OCA2: variants seen among roughly 807,000 people sequenced by gnomAD.
The protein encoded by OCA2 is P protein.
In OCA2, 77 loss-of-function variants were observed where a neutral mutation model predicts 100.2. The ratio of observed to expected loss-of-function variants is 0.77; its 90% CI spans 0.64 to 0.93. The LOEUF (loss-of-function observed/expected upper bound fraction) is 0.93, where lower values mean the gene tolerates loss of function less well. Ranked by LOEUF, OCA2 falls within the 40% of genes least tolerant of loss-of-function variation. OCA2 has a pLI of 0.00. For synonymous variants in OCA2, 432 were observed against 439.2 expected, an observed-to-expected ratio of 0.98 and a Z score of 0.21; for missense variants, 1,062 against 1,089.1, an observed-to-expected ratio of 0.98 and a Z score of 0.35.
chr15:27,945,280 A>G (rs2039792587), intron 18 of OCA2, among the ~76,000 whole-genome samples: 1 of 152,120 alleles, frequency 6.6e-6, no homozygotes, highest in African/African-American at 2.4e-5. Flanking sequence ...GTGCTAGGAG[A>G]TGAAAGAAAC....
At chr15:27,829,674 G>A (rs16950440) in intron 23 of OCA2, among the ~76,000 whole-genome samples, 3,159 of 152,272 alleles carry the variant, frequency 0.021, 113 homozygotes, top group African/African-American at 0.073. Flanking sequence ...CCTAGCATCC[G>A]TACTGAAATT....
At chr15:27,819,034 T>G (rs2034409558) in intron 23 of OCA2, among the ~76,000 whole-genome samples, 1 of 152,218 alleles carries the variant, frequency 6.6e-6, no homozygotes, top group African/African-American at 2.4e-5. Flanking sequence ...ACTTTGCCAC[T>G]TACTAGCTTA....
chr15:27,752,076 GC>G (rs1375871274), downstream of OCA2, among the ~76,000 whole-genome samples: 1 of 152,226 alleles, frequency 6.6e-6, no homozygotes, highest in Non-Finnish European at 1.5e-5. Context: ...GGACTCTGCT[GC>G]TGCCACGTTG....
At chr15:27,868,440 A>G (rs966619552) in intron 21 of OCA2, among the ~76,000 whole-genome samples, 13 of 152,238 alleles carry the variant, frequency 8.5e-5, no homozygotes, top group Non-Finnish European at 1.2e-4. Flanking sequence ...CGCAGACGGC[A>G]TTATGCTATG....
At chr15:28,085,175 C>T (rs1450952621) in intron 1 of OCA2, among the ~76,000 whole-genome samples, 2 of 152,116 alleles carry the variant, frequency 1.3e-5, no homozygotes, top group African/African-American at 2.4e-5. Context: ...CAGGTGGGCC[C>T]CAGTACTGCC....
In OCA2 at chr15:27,839,310, GA is replaced by G. The variant is rs376493189; in HGVS notation, c.2432+5648del. 7.2e-5 allele frequency among the ~76,000 whole-genome samples: 11 copies of G among 152,094 alleles called. 1 individual carries two copies. Among genetic ancestry groups the G allele is most frequent in the Admixed American group, 3.9e-4 (6 of 15,276 alleles). On this transcript the variant is annotated intron_variant, in intron 23 of 23. Transcript: ENST00000354638. ...AGAGCAAAAAAGATATACACATAGA[GA>G]AACACAGCAACTAAAATATACATAA... is the stretch of plus-strand genomic sequence containing the variant.
rs373546514 is a variant in OCA2, at chr15:27,883,366, G to A, written c.2080-11444C>T. Reference sequence around the variant, plus strand: ...TGTCCAGTTTTCATTGTAATCAGAGGGAGGCGTGAGCTTTAGTAGGTTTAC... The same window carrying A: ...TGTCCAGTTTTCATTGTAATCAGAGAGAGGCGTGAGCTTTAGTAGGTTTAC... On this transcript the variant is annotated intron_variant, in intron 19 of 23. Transcript: ENST00000354638. 1.3e-4 allele frequency among the ~76,000 whole-genome samples: 20 copies of A among 152,128 alleles called. 1 individual carries two copies. Among genetic ancestry groups the A allele is most frequent in the East Asian group, 1.2e-3 (6 of 5,178 alleles).
chr15:28,002,110 G>A (rs986137705), intron 9 of OCA2, among the ~76,000 whole-genome samples: 8 of 152,190 alleles, frequency 5.3e-5, no homozygotes, highest in African/African-American at 1.9e-4. Context: ...AGACTTTCAA[G>A]GTTGGGCAGG....
chr15:27,955,622 C>G (rs1346922253), intron 16 of OCA2, among the ~76,000 whole-genome samples: 1 of 152,150 alleles, frequency 6.6e-6, no homozygotes, highest in Non-Finnish European at 1.5e-5. Flanking sequence ...ACTATTACAA[C>G]CAACTAAAGA....
intron 2 of OCA2, among the ~76,000 whole-genome samples, chr15:28,034,679 G>A (rs1363362763): frequency 6.6e-6 from 1 of 152,064 alleles, no homozygotes; most frequent in East Asian, 1.9e-4. Context: ...GAAGGCTGGT[G>A]GAAGGATTGA....
In OCA2 at chr15:27,972,871, TTATTTTA is replaced by T. The variant is rs1412713920; in HGVS notation, c.1504-6056_1504-6050del. On this transcript the variant is annotated intron_variant, in intron 14 of 23. Coordinates refer to ENST00000354638, the MANE Select transcript of OCA2 (RefSeq NM_000275.3). ...TTATTTTATTTTATTTTATTTTATT[TTATTTTA>T]TTTTTGTGACAGAGTCTCTCTTTCT... Among the ~76,000 whole-genome samples the T allele has an allele frequency of 1.8e-3, 95 of 53,602 alleles. 2 individuals are homozygous for T. The highest frequency in any genetic ancestry group is 3.4e-3 in the African/African-American group (91 of 26,380). The allele number at this position is 53,602 out of a possible 152,430, so 35.2% of individuals were successfully genotyped here. A position where few individuals can be genotyped will look rare whatever the true frequency, so the allele number is the denominator to read the frequency against.
chr15:27,785,538 T>G (rs754233259), intron 23 of OCA2, among the ~76,000 whole-genome samples: 1 of 152,164 alleles, frequency 6.6e-6, no homozygotes, highest in Non-Finnish European at 1.5e-5. Context: ...GAGATACCAC[T>G]TTATACCCTT....
intron 5 of OCA2, among the ~76,000 whole-genome samples, chr15:28,023,614 A>C (rs2042660816): frequency 6.6e-6 from 1 of 151,562 alleles, no homozygotes; most frequent in South Asian, 2.1e-4. Context: ...GCTCAGACCC[A>C]CCCTTGCCCA....
At chr15:27,800,521 T>C (rs534006065) in intron 23 of OCA2, among the ~76,000 whole-genome samples, 11 of 152,326 alleles carry the variant, frequency 7.2e-5, no homozygotes, top group African/African-American at 2.2e-4. Flanking sequence ...CTACAGATTA[T>C]ACAGATATTA....
chr15:27,980,515 G>C (rs544308399), intron 14 of OCA2, among the ~76,000 whole-genome samples: 1 of 152,108 alleles, frequency 6.6e-6, no homozygotes, highest in Non-Finnish European at 1.5e-5. Flanking sequence ...TTTCCATTTG[G>C]TGTTATTTTC....
At chr15:27,982,448 T>G (rs1001117308) in intron 14 of OCA2, among the ~76,000 whole-genome samples, 2 of 152,182 alleles carry the variant, frequency 1.3e-5, no homozygotes, top group Non-Finnish European at 2.9e-5. Flanking sequence ...CAGGGTGGCA[T>G]GACCATGGCT....
intron 21 of OCA2, among the ~76,000 whole-genome samples, chr15:27,861,925 C>G (rs975971300): frequency 6.6e-6 from 1 of 152,148 alleles, no homozygotes; most frequent in Non-Finnish European, 1.5e-5. Context: ...GTGAAGGCAC[C>G]GGTCTTCGTT....
intron 9 of OCA2, among the ~76,000 whole-genome samples, chr15:27,999,499 A>G (rs2041860610): frequency 6.6e-6 from 1 of 152,250 alleles, no homozygotes; most frequent in Non-Finnish European, 1.5e-5. Flanking sequence ...ACAAGCCCAC[A>G]GCTAACATTA....
chr15:27,879,989 T>C (rs1358836411), intron 19 of OCA2, among the ~76,000 whole-genome samples: 1 of 152,186 alleles, frequency 6.6e-6, no homozygotes, highest in Non-Finnish European at 1.5e-5. Flanking sequence ...TTTTGGGTTT[T>C]ATATTTAAGT....
Sources: allele counts gnomAD v4.1 joint callset (sites outside exome capture counted in the v4.1 genomes callset), GRCh38; gene constraint gnomAD v4.1.1; transcripts MANE v1.5; gene names NCBI Gene and HGNC (gene_info 2026-07-23, HGNC 2026-07-21).